The following NBAS variants were observed in gnomAD, a reference collection of about 807,000 sequenced individuals.
The protein encoded by NBAS is NAG/BC035112 fusion.
NBAS carries 219 observed loss-of-function variants against 302.5 expected under a neutral mutation model. The observed-to-expected ratio is 0.72, with a 90% CI of 0.65 to 0.81. The LOEUF (loss-of-function observed/expected upper bound fraction) is 0.81. NBAS is among the 30% of genes least tolerant of loss of function. The pLI, the probability that NBAS is intolerant of heterozygous loss-of-function variation, is 0.00. For missense variants in NBAS, 2,932 were observed against 2,841.6 expected (o/e 1.03, Z -0.72); for synonymous variants, 1,118 against 1,021.6 (o/e 1.09, Z -1.80).
intron 21 of NBAS, among the ~76,000 whole-genome samples, chr2:15,435,405 T>G (rs1393706639): frequency 6.6e-6 from 1 of 152,218 alleles, no homozygotes; most frequent in African/African-American, 2.4e-5. Context: ...GCCCAGCCTA[T>G]GTATAATACT....
chr2:15,401,119 T>TA (rs1030302544), intron 26 of NBAS, among the ~76,000 whole-genome samples: 13 of 152,016 alleles, frequency 8.6e-5, no homozygotes, highest in African/African-American at 3.1e-4. Context: ...TCATGGCAGT[T>TA]AGAGCCCAAC....
intron 40 of NBAS, among the ~76,000 whole-genome samples, chr2:15,293,969 T>C (rs1008508357): frequency 1.3e-5 from 2 of 152,244 alleles, no homozygotes; most frequent in East Asian, 1.9e-4. Flanking sequence ...CACAAATATG[T>C]GTCTCAAGTT....
intron 21 of NBAS, among the ~76,000 whole-genome samples, chr2:15,451,122 G>A (rs1409467475): frequency 6.6e-6 from 1 of 152,170 alleles, no homozygotes; most frequent in Non-Finnish European, 1.5e-5. Context: ...AGCGGTCACA[G>A]CTGACTGTAA....
chr2:14,835,799 T>C, the NBAS span, among the ~76,000 whole-genome samples: 1 of 152,026 alleles, frequency 6.6e-6, no homozygotes, highest in African/African-American at 2.4e-5. Context: ...ATTTATCATC[T>C]AACAGACGTT....
Position 15,534,742 on chromosome 2 carries a change from CA to C in NBAS, c.648-102del, listed in dbSNP as rs539229569. 169 of 906,472 alleles carry C rather than the reference CA, an allele frequency of 1.9e-4. No homozygotes were observed. The African/African-American group carries it at 2.5e-3, about 13-fold the overall frequency. The allele number at this position is 906,472 out of a possible 1,614,324, so 56.2% of individuals were successfully genotyped here. A position where few individuals can be genotyped will look rare whatever the true frequency, so the allele number is the denominator to read the frequency against. On this transcript the variant is annotated intron_variant, in intron 8 of 51. Coordinates refer to ENST00000281513, the MANE Select transcript of NBAS (RefSeq NM_015909.4). Reference sequence around the variant, plus strand: ...TTAGAATTTAAAAGACAGACAATACCAAATATTGCTGAGGATATAAAACAAC... The same window carrying C: ...TTAGAATTTAAAAGACAGACAATACCAATATTGCTGAGGATATAAAACAAC...
the NBAS span, among the ~76,000 whole-genome samples, chr2:14,800,933 T>C: frequency 6.6e-6 from 1 of 152,084 alleles, no homozygotes; most frequent in Non-Finnish European, 1.5e-5. Flanking sequence ...AGTGTAGTTC[T>C]GTAGGTGATA....
At chr2:15,060,246 C>T in the NBAS span, among the ~76,000 whole-genome samples, 5 of 152,124 alleles carry the variant, frequency 3.3e-5, no homozygotes, top group East Asian at 3.9e-4. Context: ...AAATCTCCAT[C>T]CCCCCTGCCA....
chr2:15,063,434 C>G, the NBAS span, among the ~76,000 whole-genome samples: 1 of 152,220 alleles, frequency 6.6e-6, no homozygotes, highest in East Asian at 1.9e-4. Context: ...TCCATCTAGC[C>G]TGTAAGCTCC....
At chr2:14,844,330 G>A in the NBAS span, among the ~76,000 whole-genome samples, 1 of 152,084 alleles carries the variant, frequency 6.6e-6, no homozygotes, top group Admixed American at 6.5e-5. Flanking sequence ...GCCTTGAAGG[G>A]AAGGAGCCAG....
chr2:15,285,091 GT>G (rs1669979133), intron 42 of NBAS, among the ~76,000 whole-genome samples: 1 of 151,198 alleles, frequency 6.6e-6, no homozygotes, highest in Middle Eastern at 3.4e-3. Context: ...ATGCCAGTGT[GT>G]GTATCATAAG....
chr2:15,289,046 G>A (rs1670185350), intron 41 of NBAS, among the ~76,000 whole-genome samples: 1 of 152,132 alleles, frequency 6.6e-6, no homozygotes, highest in Non-Finnish European at 1.5e-5. Flanking sequence ...CCATGGATTA[G>A]GTCATTGTCA....
chr2:15,236,525 C>A, intron 45 of NBAS, among the ~76,000 whole-genome samples: 1 of 58,504 alleles, frequency 1.7e-5, no homozygotes. Flanking sequence ...GAGACCCTGT[C>A]TCAAAAAAAA....
intron 49 of NBAS, 148 bp from the exon 50 acceptor site, chr2:15,187,028 T>C: frequency 8.3e-7 from 1 of 1,198,472 alleles, no homozygotes; most frequent in Non-Finnish European, 1.2e-6. Context: ...GTAGAAAAGA[T>C]AACACCTTAA....
At chr2:15,172,511 CTT>C (rs1172716535) in intron 51 of NBAS, among the ~76,000 whole-genome samples, 2 of 152,106 alleles carry the variant, frequency 1.3e-5, no homozygotes, top group Non-Finnish European at 2.9e-5. Flanking sequence ...TCCTTTATGA[CTT>C]GTTTTATTGC....
the NBAS span, among the ~76,000 whole-genome samples, chr2:15,049,182 G>A: frequency 1.3e-5 from 2 of 152,156 alleles, no homozygotes; most frequent in African/African-American, 4.8e-5. Flanking sequence ...CGGCAGCTGC[G>A]ACCCTTCCAC....
At chr2:15,043,176 G>T in the NBAS span, among the ~76,000 whole-genome samples, 1 of 152,154 alleles carries the variant, frequency 6.6e-6, no homozygotes, top group African/African-American at 2.4e-5. Flanking sequence ...AGGAGGCAGA[G>T]TAGGAGTCAC....
chr2:15,093,291 C>G, the NBAS span, among the ~76,000 whole-genome samples: 1 of 151,982 alleles, frequency 6.6e-6, no homozygotes, highest in Non-Finnish European at 1.5e-5. Context: ...TGGCACGTGC[C>G]GGTAATCTCA....
At chr2:14,839,961 G>T in the NBAS span, among the ~76,000 whole-genome samples, 1 of 151,966 alleles carries the variant, frequency 6.6e-6, no homozygotes, top group Non-Finnish European at 1.5e-5. Context: ...ACCCAAATGA[G>T]ACAGTGAATG....
the NBAS span, among the ~76,000 whole-genome samples, chr2:15,052,747 A>T: frequency 6.6e-6 from 1 of 152,226 alleles, no homozygotes; most frequent in Non-Finnish European, 1.5e-5. Flanking sequence ...CATATTAAAA[A>T]TAATTGTAAT....
Sources: allele counts gnomAD v4.1 joint callset (sites outside exome capture counted in the v4.1 genomes callset), GRCh38; gene constraint gnomAD v4.1.1; transcripts MANE v1.5; gene names NCBI Gene and HGNC (gene_info 2026-07-23, HGNC 2026-07-21).